The following COL25A1 variants were observed in gnomAD, a reference collection of about 807,000 sequenced individuals.
COL25A1 encodes collagen alpha-1(XXV) chain.
COL25A1 carries 103 observed loss-of-function variants against 128.4 expected under a neutral mutation model. The ratio of observed to expected loss-of-function variants is 0.80; its 90% CI spans 0.68 to 0.94. COL25A1 has a LOEUF of 0.94. Ranked by LOEUF, COL25A1 falls within the 40% of genes least tolerant of loss-of-function variation. The pLI, the probability that COL25A1 is intolerant of heterozygous loss-of-function variation, is 0.00. For synonymous variants in COL25A1, 279 were observed against 277.2 expected, an observed-to-expected ratio of 1.01 and a Z score of -0.06; for missense variants, 745 against 840.0, an observed-to-expected ratio of 0.89 and a Z score of 1.40.
intron 3 of COL25A1, among the ~76,000 whole-genome samples, chr4:109,146,163 G>A (rs1483456306): frequency 1.3e-5 from 2 of 152,072 alleles, no homozygotes; most frequent in East Asian, 1.9e-4. Context: ...CGGTTTTGAG[G>A]ATTTTTTTAA....
chr4:109,079,213 AT>A (rs1436116401), intron 3 of COL25A1, among the ~76,000 whole-genome samples: 1 of 152,026 alleles, frequency 6.6e-6, no homozygotes, highest in Non-Finnish European at 1.5e-5. Flanking sequence ...TTTTAGGTGA[AT>A]TTTTTTTCTC....
intron 3 of COL25A1, among the ~76,000 whole-genome samples, chr4:109,255,601 ATTCT>A (rs2126249488): frequency 6.6e-6 from 1 of 152,062 alleles, no homozygotes; most frequent in Admixed American, 6.6e-5. Flanking sequence ...TCATTCATTC[ATTCT>A]AACAATCATT....
chr4:109,218,153 T>C (rs1345709142), intron 3 of COL25A1, among the ~76,000 whole-genome samples: 2 of 152,190 alleles, frequency 1.3e-5, no homozygotes, highest in African/African-American at 2.4e-5. Flanking sequence ...TATAGTAAAA[T>C]CATTTCTCAG....
At chr4:109,001,369 A>ATCCTGTCAGGTAGGC (rs1755344127) in intron 6 of COL25A1, among the ~76,000 whole-genome samples, 2 of 152,278 alleles carry the variant, frequency 1.3e-5, no homozygotes, top group Non-Finnish European at 2.9e-5. Context: ...CAGTTAAAAG[A>ATCCTGTCAGGTAGGC]AACAGGCATC....
At chr4:108,964,701 G>T (rs751565943) in intron 8 of COL25A1, among the ~76,000 whole-genome samples, 2 of 151,968 alleles carry the variant, frequency 1.3e-5, no homozygotes, top group Non-Finnish European at 2.9e-5. Context: ...TAAATTGACC[G>T]ATATTAGGAC....
In COL25A1 at chr4:108,808,974, T is replaced by C. The variant is rs1436084065; in HGVS notation, c.*4953A>G. On this transcript the variant is annotated 3_prime_UTR_variant, in exon 38 of 38. Coordinates refer to ENST00000399132, the MANE Select transcript of COL25A1 (RefSeq NM_198721.4). ...CAAATCAAAAATCTTATGCATCTTT[T>C]GATACAGTAATGTCAGCTGGAGAAA... 1 of 152,184 alleles carries C rather than the reference T, an allele frequency of 6.6e-6. No individual in the cohort carries two copies. Among genetic ancestry groups the C allele is most frequent in the Non-Finnish European group, 1.5e-5 (1 of 68,022 alleles). The allele number at this position is 152,184 out of a possible 1,614,324, so 9.4% of individuals were successfully genotyped here.
intron 3 of COL25A1, among the ~76,000 whole-genome samples, chr4:109,183,922 T>TAAA (rs1560827791): frequency 2.6e-5 from 3 of 116,632 alleles, no homozygotes; most frequent in African/African-American, 1.3e-4. Context: ...CACACCAACT[T>TAAA]CAAAAAAAAA....
At position 109,139,237 on chromosome 4, in the gene COL25A1, A is replaced by T. The variant is rs1200539930; in HGVS notation, c.368-89058T>A. Among the ~76,000 whole-genome samples, 3 of 152,186 alleles carry T rather than the reference A, an allele frequency of 2.0e-5. No individual in the cohort carries two copies. The East Asian group carries it at 5.8e-4, about 29-fold the overall frequency. On this transcript the variant is annotated intron_variant, in intron 3 of 37. Transcript: ENST00000399132. ...AGATTCTGGATATTAGCCCTTTGTCAGATGGATAGAATGCAAAAATTTTCT... is the reference window on the plus strand; with the variant it reads ...AGATTCTGGATATTAGCCCTTTGTCTGATGGATAGAATGCAAAAATTTTCT...
At chr4:109,176,063 T>C (rs1350460202) in intron 3 of COL25A1, among the ~76,000 whole-genome samples, 1 of 152,180 alleles carries the variant, frequency 6.6e-6, no homozygotes, top group Admixed American at 6.5e-5. Flanking sequence ...ATCAGACACC[T>C]ACCAGGGCCA....
At position 108,974,347 on chromosome 4, in the gene COL25A1, ATAGG is replaced by A; in HGVS notation, c.492+16_492+19del. 6.2e-7 allele frequency: 1 copy of A among 1,613,410 alleles called. No individual in the cohort carries two copies. Among genetic ancestry groups the A allele is most frequent in the Non-Finnish European group, 8.5e-7 (1 of 1,179,376 alleles). ...GTTAGAAACTAATTTTCCGCCCAAGATAGGTAGAGCACAACTTACCCTAGGTCCC... is the reference window on the plus strand; with the variant it reads ...GTTAGAAACTAATTTTCCGCCCAAGATAGAGCACAACTTACCCTAGGTCCC... On this transcript the variant is annotated intron_variant, in intron 8 of 37. Transcript: ENST00000399132.
chr4:108,837,368 T>C (rs1022700534), intron 31 of COL25A1, among the ~76,000 whole-genome samples: 3 of 152,140 alleles, frequency 2.0e-5, no homozygotes, highest in Non-Finnish European at 4.4e-5. Context: ...ACCAAATAGA[T>C]AGCATATTAA....
chr4:109,012,654 G>A (rs922287186), intron 5 of COL25A1, among the ~76,000 whole-genome samples: 5 of 152,116 alleles, frequency 3.3e-5, no homozygotes, highest in South Asian at 2.1e-4. Context: ...CAGGTCCCCC[G>A]GCACTGCTGG....
chr4:108,916,959 A>C (rs1744949853), intron 13 of COL25A1, among the ~76,000 whole-genome samples: 1 of 152,176 alleles, frequency 6.6e-6, no homozygotes, highest in Non-Finnish European at 1.5e-5. Flanking sequence ...AAAAACATAG[A>C]TTAACTGAAT....
At chr4:109,164,206 G>A (rs1772851984) in intron 3 of COL25A1, among the ~76,000 whole-genome samples, 1 of 152,034 alleles carries the variant, frequency 6.6e-6, no homozygotes, top group Non-Finnish European at 1.5e-5. Context: ...CAAGAAACCT[G>A]GTATGCAAAT....
chr4:109,292,489 C>T (rs554821193), intron 3 of COL25A1, among the ~76,000 whole-genome samples: 1 of 152,134 alleles, frequency 6.6e-6, no homozygotes, highest in East Asian at 1.9e-4. Context: ...TGCTGTTTTA[C>T]AGAGAACTTT....
chr4:109,228,767 C>T (rs138107955), intron 3 of COL25A1, among the ~76,000 whole-genome samples: 2 of 152,226 alleles, frequency 1.3e-5, no homozygotes, highest in East Asian at 3.9e-4. Context: ...GACCAGAGAC[C>T]AAATATGCTA....
intron 3 of COL25A1, among the ~76,000 whole-genome samples, chr4:109,154,519 G>A (rs1771845493): frequency 6.6e-6 from 1 of 152,176 alleles, no homozygotes. Flanking sequence ...AAAAGTTAGG[G>A]ACTGCATGGT....
rs778329572 is a variant in COL25A1, at chr4:108,824,086, A to T, written c.1845+88T>A. Reference sequence around the variant, plus strand: ...TGGAGCACAGGATGGAGAAAGATTAAGTGTCAAATGGAATCACACAAGCTG... The same window carrying T: ...TGGAGCACAGGATGGAGAAAGATTATGTGTCAAATGGAATCACACAAGCTG... On this transcript the variant is annotated intron_variant, in intron 35 of 37. Transcript: ENST00000399132. 1.9e-6 allele frequency: 3 copies of T among 1,613,786 alleles called. No homozygotes were observed. In the Admixed American group the frequency reaches 5.0e-5, roughly 27 times the overall value.
At chr4:109,197,369 T>A in intron 3 of COL25A1, among the ~76,000 whole-genome samples, 1 of 128,860 alleles carries the variant, frequency 7.8e-6, no homozygotes, top group Middle Eastern at 3.7e-3. Context: ...TAAAAATATA[T>A]AATATATATA....
Sources: allele counts gnomAD v4.1 joint callset (sites outside exome capture counted in the v4.1 genomes callset), GRCh38; gene constraint gnomAD v4.1.1; transcripts MANE v1.5; gene names NCBI Gene and HGNC (gene_info 2026-07-23, HGNC 2026-07-21).